The following MTUS1 variants were observed in gnomAD, a reference collection of about 807,000 sequenced individuals.
MTUS1 encodes microtubule-associated tumor suppressor 1.
A neutral mutation model predicts 120.8 loss-of-function variants in MTUS1; 109 were observed. That is an observed-to-expected ratio of 0.90 (90% CI 0.77 to 1.06). MTUS1 has a LOEUF of 1.06. Among genes scored for constraint, MTUS1 ranks in the 50% least tolerant of loss-of-function variants. The probability of loss-of-function intolerance (pLI) is 0.00; values close to 1 mark genes in which losing one functional copy is unlikely to be tolerated. For synonymous variants in MTUS1, 737 were observed against 550.5 expected (o/e 1.34, Z -4.74); for missense variants, 2,210 against 1,486.3 (o/e 1.49, Z -8.01).
chr8:17,662,078 C>A (rs1809854725), intron 8 of MTUS1, among the ~76,000 whole-genome samples: 1 of 152,000 alleles, frequency 6.6e-6, no homozygotes, highest in South Asian at 2.1e-4. Context: ...GCGTGCATAA[C>A]CCCGATTTTA....
At chr8:17,776,047 A>C (rs1255226890) in intron 1 of MTUS1, among the ~76,000 whole-genome samples, 1 of 152,182 alleles carries the variant, frequency 6.6e-6, no homozygotes, top group African/African-American at 2.4e-5. Context: ...CTGCAGGGTT[A>C]AACAAACCTC....
At chr8:17,693,026 T>C (rs949802644) in intron 6 of MTUS1, among the ~76,000 whole-genome samples, 2 of 152,298 alleles carry the variant, frequency 1.3e-5, no homozygotes, top group African/African-American at 4.8e-5. Context: ...TTGCCTTCAC[T>C]GGAGTCAAGA....
chr8:17,743,203 T>G (rs892276249), intron 3 of MTUS1, among the ~76,000 whole-genome samples: 7 of 152,080 alleles, frequency 4.6e-5, no homozygotes, highest in Non-Finnish European at 8.8e-5. Flanking sequence ...CATACATCTT[T>G]CAGTAAAATT....
At chr8:17,800,049 G>A (rs1337566733) in intron 1 of MTUS1, among the ~76,000 whole-genome samples, 1 of 152,168 alleles carries the variant, frequency 6.6e-6, no homozygotes, top group Middle Eastern at 3.4e-3. Flanking sequence ...CCCTGAAAAA[G>A]CAAACTGTCT....
At chr8:17,722,005 A>G (rs2045883338) in intron 4 of MTUS1, 1 of 1,429,276 alleles carries the variant, frequency 7.0e-7, no homozygotes, top group Non-Finnish European at 9.1e-7. Flanking sequence ...GAAAAAAAAA[A>G]AAATGCGTAA....
chr8:17,766,558 G>C (rs569241622), intron 1 of MTUS1, among the ~76,000 whole-genome samples: 10 of 152,186 alleles, frequency 6.6e-5, no homozygotes, highest in Non-Finnish European at 4.4e-5. Context: ...TTAAGTATTT[G>C]TGAGGCAATC....
intron 3 of MTUS1, among the ~76,000 whole-genome samples, chr8:17,738,564 A>G (rs2047088706): frequency 6.6e-6 from 1 of 152,098 alleles, no homozygotes; most frequent in Non-Finnish European, 1.5e-5. Context: ...TTATTACTGT[A>G]TTTTTTATTG....
At chr8:17,717,600 CAATTGTATGA>C in intron 4 of MTUS1, among the ~76,000 whole-genome samples, 1 of 152,232 alleles carries the variant, frequency 6.6e-6, no homozygotes, top group South Asian at 2.1e-4. Context: ...ACCTAATATG[CAATTGTATGA>C]TTCTAAATTC....
At chr8:17,729,008 A>C (rs900758949) in intron 3 of MTUS1, among the ~76,000 whole-genome samples, 2 of 152,258 alleles carry the variant, frequency 1.3e-5, no homozygotes, top group African/African-American at 4.8e-5. Flanking sequence ...CAAGGCCACT[A>C]ACTACTAAGT....
chr8:17,747,749 T>A (rs537091007), intron 2 of MTUS1, among the ~76,000 whole-genome samples: 12 of 152,144 alleles, frequency 7.9e-5, no homozygotes, highest in Admixed American at 2.6e-4. Context: ...ATTAGTCCAT[T>A]TTTACGCTGC....
intron 1 of MTUS1, among the ~76,000 whole-genome samples, chr8:17,760,303 A>G (rs957733517): frequency 7.2e-5 from 11 of 152,190 alleles, no homozygotes; most frequent in African/African-American, 2.7e-4. Context: ...TAAATACTTA[A>G]GGATTGTTTT....
At chr8:17,768,425 A>G (rs567566656) in intron 1 of MTUS1, among the ~76,000 whole-genome samples, 34 of 152,332 alleles carry the variant, frequency 2.2e-4, no homozygotes, top group African/African-American at 8.2e-4. Flanking sequence ...TTAATTATCC[A>G]AGGAAAACTA....
rs372623400 is a variant in MTUS1 at position 17,790,903 on chromosome 8, C to G, written c.-155+10158G>C. Among the ~76,000 whole-genome samples the G allele has an allele frequency of 1.5e-4, 23 of 152,208 alleles. 2 individuals are homozygous for G. In the South Asian group the frequency reaches 4.8e-3, roughly 32 times the overall value. ...CCAGGAAGCTGAGGCAGGAGAATCGCTTGAATCCGGGAGGTGGAGGTTGCA... is the reference window on the plus strand; with the variant it reads ...CCAGGAAGCTGAGGCAGGAGAATCGGTTGAATCCGGGAGGTGGAGGTTGCA... On this transcript the variant is annotated intron_variant, in intron 1 of 14. Transcript: ENST00000693296.
intron 3 of MTUS1, among the ~76,000 whole-genome samples, chr8:17,727,451 A>G (rs2046296532): frequency 6.6e-6 from 1 of 152,192 alleles, no homozygotes; most frequent in South Asian, 2.1e-4. Flanking sequence ...TTCAGAATGG[A>G]GCTCTTACTG....
intron 1 of MTUS1, among the ~76,000 whole-genome samples, chr8:17,790,776 C>T (rs1299224360): frequency 6.6e-6 from 1 of 152,152 alleles, no homozygotes; most frequent in Non-Finnish European, 1.5e-5. Flanking sequence ...CACTTGAGGT[C>T]AAGAGTTCGA....
At chr8:17,732,954 C>T (rs1156742405) in intron 3 of MTUS1, among the ~76,000 whole-genome samples, 1 of 152,196 alleles carries the variant, frequency 6.6e-6, no homozygotes, top group African/African-American at 2.4e-5. Context: ...GTTCCTACTT[C>T]ACCCATATCC....
intron 6 of MTUS1, among the ~76,000 whole-genome samples, chr8:17,706,954 A>G (rs1820290722): frequency 6.6e-6 from 1 of 152,218 alleles, no homozygotes; most frequent in African/African-American, 2.4e-5. Context: ...GCAAACTGCT[A>G]TAATTAAAAG....
At chr8:17,770,489 G>A (rs151138671) in intron 1 of MTUS1, 1 of 152,098 alleles carries the variant, frequency 6.6e-6, no homozygotes, top group Non-Finnish European at 1.5e-5. Flanking sequence ...TGTCTTATTC[G>A]AGTTATCTGT....
chr8:17,742,994 T>C (rs1262487844), intron 3 of MTUS1, among the ~76,000 whole-genome samples: 1 of 151,764 alleles, frequency 6.6e-6, no homozygotes, highest in African/African-American at 2.4e-5. Flanking sequence ...AGGGATGACT[T>C]TTCCATTTCT....
Sources: gnomAD v4.1 joint callset for allele counts (sites outside exome capture counted in the v4.1 genomes callset) on GRCh38, gnomAD v4.1.1 for gene constraint, MANE v1.5 for transcripts, NCBI Gene and HGNC (gene_info 2026-07-23, HGNC 2026-07-21) for gene names.